Variants in STRBP observed in about 807,000 individuals in gnomAD.
STRBP encodes spermatid perinuclear RNA binding protein.
A neutral mutation model predicts 80.1 loss-of-function variants in STRBP; 13 were observed. The observed-to-expected ratio is 0.16, with a 90% CI of 0.11 to 0.26. STRBP has a LOEUF of 0.26. STRBP is among the 10% of genes least tolerant of loss of function. The pLI is 1.00. For synonymous variants in STRBP, 284 were observed against 291.2 expected, an observed-to-expected ratio of 0.98 and a Z score of 0.25; for missense variants, 485 against 815.2, an observed-to-expected ratio of 0.59 and a Z score of 4.93.
chr9:123,135,131 T>G (rs549109587), intron 16 of STRBP, among the ~76,000 whole-genome samples: 1 of 152,212 alleles, frequency 6.6e-6, no homozygotes, highest in African/African-American at 2.4e-5. Flanking sequence ...CAATTAGCTG[T>G]GTTACCACAG....
intron 2 of STRBP, among the ~76,000 whole-genome samples, chr9:123,208,355 T>C (rs892495319): frequency 1.3e-5 from 2 of 152,202 alleles, no homozygotes; most frequent in African/African-American, 4.8e-5. Context: ...TCCTGTAACC[T>C]GGCAGAACTC....
At chr9:123,140,871 G>A (rs1405324166) in intron 13 of STRBP, among the ~76,000 whole-genome samples, 2 of 152,168 alleles carry the variant, frequency 1.3e-5, no homozygotes, top group Non-Finnish European at 2.9e-5. Context: ...CTCCACACAC[G>A]TGCCTTTTAA....
At chr9:123,219,261 A>T (rs1175348640) in intron 2 of STRBP, among the ~76,000 whole-genome samples, 1 of 152,088 alleles carries the variant, frequency 6.6e-6, no homozygotes, top group Non-Finnish European at 1.5e-5. Context: ...CCCCAAATCC[A>T]TCATTCAGTC....
intron 1 of STRBP, among the ~76,000 whole-genome samples, chr9:123,240,321 T>G (rs947916358): frequency 6.6e-6 from 1 of 152,204 alleles, no homozygotes; most frequent in African/African-American, 2.4e-5. Flanking sequence ...ATAAAAATGT[T>G]ATTGTCTGCC....
Position 123,122,106 on chromosome 9 carries a change from G to C in STRBP, c.*3491C>G, listed in dbSNP as rs532981977. On this transcript the variant is annotated 3_prime_UTR_variant, in exon 19 of 19. Coordinates refer to ENST00000348403, the MANE Select transcript of STRBP (RefSeq NM_018387.5). The stretch of plus-strand genomic sequence containing the variant: ...TAATGCGATGACATATGACCTAAGA[G>C]ATCAAATACATCATATATGATTGTC... 1 of 250,638 alleles carries C rather than the reference G, an allele frequency of 4.0e-6. No homozygotes were observed. Among genetic ancestry groups the C allele is most frequent in the Admixed American group, 5.2e-5 (1 of 19,290 alleles). The allele number at this position is 250,638 out of a possible 1,614,324, so 15.5% of individuals were successfully genotyped here.
intron 8 of STRBP, 140 bp downstream of exon 8, chr9:123,160,227 A>T (rs2037465792): frequency 4.1e-6 from 2 of 483,418 alleles, no homozygotes; most frequent in East Asian, 6.9e-5. Context: ...AAGATGCTTT[A>T]TTTTTTTTTC....
chr9:123,268,243 A>G (rs1221718704), intron 1 of STRBP, among the ~76,000 whole-genome samples, 193 bp downstream of exon 1: 2 of 147,236 alleles, frequency 1.4e-5, no homozygotes, highest in African/African-American at 5.0e-5. Flanking sequence ...GGCGGCCACA[A>G]TGCCGGAGCC....
downstream of STRBP, among the ~76,000 whole-genome samples, chr9:123,119,623 G>A (rs988614056): frequency 6.6e-6 from 1 of 152,028 alleles, no homozygotes; most frequent in Non-Finnish European, 1.5e-5. Context: ...AACCGACACA[G>A]CTCCACCCTG....
At chr9:123,200,833 G>A (rs566266455) in intron 2 of STRBP, among the ~76,000 whole-genome samples, 10 of 135,098 alleles carry the variant, frequency 7.4e-5, no homozygotes, top group South Asian at 2.5e-4. Context: ...CGCCCGCCTC[G>A]GCCTCCCAAC....
chr9:123,135,638 G>A lies in STRBP; in HGVS notation c.1773+403C>T, dbSNP rs551540969. 1.6e-3 allele frequency among the ~76,000 whole-genome samples: 247 copies of A among 152,224 alleles called. 2 individuals carry two copies. The highest frequency in any genetic ancestry group is 3.1e-3 in the Non-Finnish European group (208 of 68,008). On this transcript the variant is annotated intron_variant, in intron 16 of 18. Transcript: ENST00000348403. The stretch of plus-strand genomic sequence containing the variant: ...ATAAACAATGCAAAAGCACGAAACT[G>A]CAAAGGAACTGGAAGAGCACCCGCA...
At chr9:123,210,979 A>C (rs1232403864) in intron 2 of STRBP, among the ~76,000 whole-genome samples, 1 of 152,220 alleles carries the variant, frequency 6.6e-6, no homozygotes, top group South Asian at 2.1e-4. Context: ...GTAGGAAAAA[A>C]TGTTCAGTCT....
chr9:123,254,790 T>C (rs896235344), intron 1 of STRBP, among the ~76,000 whole-genome samples: 2 of 152,126 alleles, frequency 1.3e-5, no homozygotes, highest in Admixed American at 1.3e-4. Context: ...TCCTACTGAC[T>C]CCTATTTAAT....
intron 2 of STRBP, among the ~76,000 whole-genome samples, chr9:123,209,886 T>C (rs1374257172): frequency 1.3e-5 from 2 of 152,216 alleles, no homozygotes; most frequent in South Asian, 2.1e-4. Flanking sequence ...TATTCATATA[T>C]ATAAACAAGG....
downstream of STRBP, among the ~76,000 whole-genome samples, chr9:123,117,849 T>C (rs570378663): frequency 4.7e-4 from 72 of 152,348 alleles, no homozygotes; most frequent in African/African-American, 1.7e-3. Flanking sequence ...ATACCTCAGA[T>C]TTCACTGAAA....
At chr9:123,114,443 G>C (rs1284797108) in intron 3 of STRBP, 1 of 167,058 alleles carries the variant, frequency 6.0e-6, no homozygotes, top group Non-Finnish European at 1.5e-5. Flanking sequence ...GAACACAAAT[G>C]GATTAACTTT....
intron 2 of STRBP, among the ~76,000 whole-genome samples, chr9:123,204,423 TA>T (rs1019332946): frequency 4.5e-4 from 69 of 152,336 alleles, no homozygotes; most frequent in Middle Eastern, 3.4e-3. Context: ...CAGTGATCTT[TA>T]AAAAGCTCAA....
In STRBP at chr9:123,220,652, T is replaced by C. The variant is rs548076635; in HGVS notation, c.-165+16178A>G. 1.0e-3 allele frequency among the ~76,000 whole-genome samples: 156 copies of C among 152,314 alleles called. 7 individuals carry two copies. In the South Asian group the frequency reaches 0.031, roughly 31 times the overall value. ...ATTGTCAGTACTACCAGTTACCAATTAACAATAGACTCCAACAAGTCAACA... is the reference window on the plus strand; with the variant it reads ...ATTGTCAGTACTACCAGTTACCAATCAACAATAGACTCCAACAAGTCAACA... On this transcript the variant is annotated intron_variant, in intron 2 of 18. Coordinates refer to ENST00000348403, the MANE Select transcript of STRBP (RefSeq NM_018387.5).
At chr9:123,247,377 C>T (rs2040820992) in intron 1 of STRBP, among the ~76,000 whole-genome samples, 1 of 152,164 alleles carries the variant, frequency 6.6e-6, no homozygotes, top group South Asian at 2.1e-4. Flanking sequence ...AAAAGATTCT[C>T]CTGCCTCAGC....
Position 123,153,956 on chromosome 9 carries a change from T to C in STRBP, c.1045+4056A>G, listed in dbSNP as rs955435874. Among the ~76,000 whole-genome samples the C allele has an allele frequency of 2.0e-5, 3 of 152,242 alleles. No homozygotes were observed. In the South Asian group the frequency reaches 6.2e-4, roughly 32 times the overall value. ...ACAGCTGAGGAGATGGCAACAGAGC[T>C]AGAAGAACAAAGGAAGCTGATGACC... On this transcript the variant is annotated intron_variant, in intron 11 of 18. Coordinates refer to ENST00000348403, the MANE Select transcript of STRBP (RefSeq NM_018387.5).
Sources: allele counts gnomAD v4.1 joint callset (sites outside exome capture counted in the v4.1 genomes callset), GRCh38; gene constraint gnomAD v4.1.1; transcripts MANE v1.5; gene names NCBI Gene and HGNC (gene_info 2026-07-23, HGNC 2026-07-21).